The following LOC128462377 variants were observed in gnomAD, a reference collection of about 807,000 sequenced individuals.
chr16:89,335,586 C>T, the LOC128462377 span, among the ~76,000 whole-genome samples: 19 of 152,332 alleles, frequency 1.2e-4, no homozygotes, highest in Middle Eastern at 3.4e-3. Context: ...CGAGTGACGT[C>T]GCTTTGGCAG....
At chr16:89,322,784 G>A in the LOC128462377 span, among the ~76,000 whole-genome samples, 4 of 152,384 alleles carry the variant, frequency 2.6e-5, no homozygotes, top group South Asian at 8.3e-4. Flanking sequence ...TGGTGATGAG[G>A]TGTGGCCTGC....
the LOC128462377 span, among the ~76,000 whole-genome samples, chr16:89,327,272 C>A: frequency 6.6e-6 from 1 of 152,114 alleles, no homozygotes; most frequent in African/African-American, 2.4e-5. Flanking sequence ...TCAAAACTCA[C>A]GATAAAAATT....
the LOC128462377 span, chr16:89,324,682 C>T: frequency 8.3e-4 from 296 of 357,738 alleles, 7 homozygotes; most frequent in Admixed American, 0.01. Context: ...TTCCTGCCCT[C>T]GAACATCAGA....
chr16:89,372,178 A>G, the LOC128462377 span, among the ~76,000 whole-genome samples: 1 of 152,236 alleles, frequency 6.6e-6, no homozygotes, highest in African/African-American at 2.4e-5. Context: ...CACTCCCAGG[A>G]GGAAAAGCAG....
chr16:89,405,653 C>T, the LOC128462377 span, among the ~76,000 whole-genome samples: 4 of 152,090 alleles, frequency 2.6e-5, no homozygotes, highest in East Asian at 7.7e-4. Context: ...ACTTTCCTAT[C>T]AGCCTTCCTG....
chr16:89,418,212 A>G, the LOC128462377 span: 3 of 444,532 alleles, frequency 6.7e-6, no homozygotes, highest in Non-Finnish European at 1.4e-5. Flanking sequence ...ACACTCACGC[A>G]TTATTTTGAT....
the LOC128462377 span, among the ~76,000 whole-genome samples, chr16:89,379,675 G>A: frequency 2.0e-5 from 3 of 152,306 alleles, no homozygotes; most frequent in East Asian, 3.9e-4. Context: ...TGACTGGGAC[G>A]CGAGCGCCCC....
the LOC128462377 span, among the ~76,000 whole-genome samples, chr16:89,407,529 A>G: frequency 1.3e-5 from 2 of 151,644 alleles, no homozygotes; most frequent in Non-Finnish European, 2.9e-5. Context: ...TAAGAAACAA[A>G]CTCCTTCTGG....
At chr16:89,335,924 T>C in the LOC128462377 span, among the ~76,000 whole-genome samples, 1 of 152,178 alleles carries the variant, frequency 6.6e-6, no homozygotes, top group East Asian at 1.9e-4. Flanking sequence ...CCCCTGCCTG[T>C]GCTGAGGCAT....
At chr16:89,369,742 G>A in the LOC128462377 span, among the ~76,000 whole-genome samples, 1 of 152,214 alleles carries the variant, frequency 6.6e-6, no homozygotes, top group Non-Finnish European at 1.5e-5. Flanking sequence ...CCCTTTCCAA[G>A]TAAGGGTGAA....
the LOC128462377 span, among the ~76,000 whole-genome samples, chr16:89,391,227 CAAA>C: frequency 0.049 from 4,686 of 95,266 alleles, 253 homozygotes; most frequent in African/African-American, 0.17. Context: ...GACTCTGTCT[CAAA>C]AAAAAAAAAA....
At chr16:89,317,481 C>T in the LOC128462377 span, among the ~76,000 whole-genome samples, 5 of 152,208 alleles carry the variant, frequency 3.3e-5, no homozygotes, top group Admixed American at 6.5e-5. Context: ...CAACACGCAG[C>T]GCAGTACCCC....
chr16:89,317,341 G>C, the LOC128462377 span, among the ~76,000 whole-genome samples: 1 of 152,214 alleles, frequency 6.6e-6, no homozygotes, highest in African/African-American at 2.4e-5. Context: ...GGGACGCATG[G>C]CCTAGGGTGT....
the LOC128462377 span, chr16:89,321,066 C>G: frequency 6.6e-6 from 1 of 152,636 alleles, no homozygotes; most frequent in African/African-American, 2.4e-5. Flanking sequence ...CCAGCGAGCA[C>G]AGAGCCTTCG....
the LOC128462377 span, among the ~76,000 whole-genome samples, chr16:89,344,754 C>T: frequency 3.3e-5 from 5 of 150,272 alleles, no homozygotes; most frequent in South Asian, 6.2e-4. Context: ...GCGGAGGGCA[C>T]GGGAGCACAG....
chr16:89,344,003 C>T, the LOC128462377 span, among the ~76,000 whole-genome samples: 4 of 152,326 alleles, frequency 2.6e-5, no homozygotes, highest in African/African-American at 9.6e-5. Flanking sequence ...ACATCACAGA[C>T]ATAAATATCG....
At chr16:89,389,129 C>G in the LOC128462377 span, among the ~76,000 whole-genome samples, 1 of 152,100 alleles carries the variant, frequency 6.6e-6, no homozygotes, top group African/African-American at 2.4e-5. Context: ...GGCAATCCTC[C>G]CACCTCAGCC....
chr16:89,406,896 A>G, the LOC128462377 span, among the ~76,000 whole-genome samples: 50 of 152,174 alleles, frequency 3.3e-4, no homozygotes, highest in Non-Finnish European at 5.6e-4. Flanking sequence ...TAAGAACATC[A>G]GGCCGGACGT....
the LOC128462377 span, among the ~76,000 whole-genome samples, chr16:89,366,129 CAAAAA>C: frequency 3.3e-5 from 2 of 60,440 alleles, no homozygotes; most frequent in Non-Finnish European, 7.0e-5. Context: ...GACTCCATCT[CAAAAA>C]AAAAAAAAAA....
Sources: gnomAD v4.1 joint callset for allele counts (sites outside exome capture counted in the v4.1 genomes callset) on GRCh38, gnomAD v4.1.1 for gene constraint, MANE v1.5 for transcripts.